Variants in PPM1H observed in about 807,000 individuals in gnomAD.
PPM1H encodes protein phosphatase, Mg2+/Mn2+ dependent 1H, also known as protein phosphatase 1H.
Under a neutral mutation model 54.9 loss-of-function variants are expected in PPM1H, and 27 were observed. The observed-to-expected ratio is 0.49, with a 90% confidence interval of 0.36 to 0.68. The LOEUF is 0.68. PPM1H is among the 30% of genes least tolerant of loss of function. The pLI is 0.00. For synonymous variants in PPM1H, 305 were observed against 270.8 expected (o/e 1.13, Z -1.24); for missense variants, 596 against 667.8 (o/e 0.89, Z 1.19).
chr12:62,882,171 T>C (rs1268167527), intron 1 of PPM1H, among the ~76,000 whole-genome samples: 1 of 152,250 alleles, frequency 6.6e-6, no homozygotes, highest in Non-Finnish European at 1.5e-5. Context: ...GAACTCTGTG[T>C]ATTGAAACTC....
chr12:62,811,457 C>CA (rs1481970020), intron 2 of PPM1H, among the ~76,000 whole-genome samples: 4 of 152,188 alleles, frequency 2.6e-5, no homozygotes, highest in Admixed American at 2.0e-4. Context: ...TCATCTCGCT[C>CA]TACTGTGCAA....
At chr12:62,703,828 T>C (rs1479765281) in intron 6 of PPM1H, among the ~76,000 whole-genome samples, 2 of 152,138 alleles carry the variant, frequency 1.3e-5, no homozygotes, top group African/African-American at 4.8e-5. Flanking sequence ...CTTCCTTTTT[T>C]TCTGCCAGCC....
intron 9 of PPM1H, among the ~76,000 whole-genome samples, chr12:62,660,108 A>G (rs983516077): frequency 1.3e-5 from 2 of 152,194 alleles, no homozygotes; most frequent in African/African-American, 4.8e-5. Context: ...TCATATTTCC[A>G]TTTGGCATGA....
intron 7 of PPM1H, among the ~76,000 whole-genome samples, chr12:62,693,733 T>C (rs1450451277): frequency 2.0e-5 from 3 of 152,190 alleles, no homozygotes; most frequent in African/African-American, 7.2e-5. Context: ...TCCCTTGTGC[T>C]CACCGCCCAC....
chr12:62,714,150 A>G (rs187648689), intron 6 of PPM1H, among the ~76,000 whole-genome samples: 1 of 152,264 alleles, frequency 6.6e-6, no homozygotes, highest in East Asian at 1.9e-4. Flanking sequence ...GCATGGTCCA[A>G]TTCAGCAGCC....
intron 1 of PPM1H, among the ~76,000 whole-genome samples, chr12:62,933,423 C>T (rs1872214023): frequency 1.3e-5 from 2 of 151,990 alleles, no homozygotes; most frequent in African/African-American, 4.8e-5. Flanking sequence ...GATTGGTTCC[C>T]GGACGAACCA....
intron 6 of PPM1H, among the ~76,000 whole-genome samples, chr12:62,717,165 C>T (rs933503628): frequency 6.6e-6 from 1 of 152,128 alleles, no homozygotes; most frequent in Admixed American, 6.5e-5. Flanking sequence ...TTCTTAGGTT[C>T]TTCTGACAAA....
chr12:62,884,597 A>G (rs1302162054), intron 1 of PPM1H, among the ~76,000 whole-genome samples: 1 of 152,120 alleles, frequency 6.6e-6, no homozygotes, highest in Admixed American at 6.6e-5. Context: ...TAAGAGACCT[A>G]TTAGGAATGG....
At chr12:62,858,062 TACCACCACC>T (rs144385020) in intron 1 of PPM1H, among the ~76,000 whole-genome samples, 1 of 151,448 alleles carries the variant, frequency 6.6e-6, no homozygotes, top group East Asian at 1.9e-4. Flanking sequence ...AATGGACCAT[TACCACCACC>T]ACCACCACCC....
chr12:62,802,862 C>T (rs2076779779), intron 2 of PPM1H, among the ~76,000 whole-genome samples: 1 of 152,150 alleles, frequency 6.6e-6, no homozygotes, highest in African/African-American at 2.4e-5. Context: ...GAGATTATCC[C>T]AAAGGGCTGG....
At chr12:62,726,553 T>C (rs1040687022) in intron 5 of PPM1H, among the ~76,000 whole-genome samples, 2 of 152,182 alleles carry the variant, frequency 1.3e-5, no homozygotes, top group African/African-American at 4.8e-5. Context: ...CTTGTTCTAA[T>C]AATTTTAGGG....
chr12:62,735,263 G>T (rs2076344381), intron 5 of PPM1H, among the ~76,000 whole-genome samples: 1 of 151,794 alleles, frequency 6.6e-6, no homozygotes, highest in South Asian at 2.1e-4. Context: ...TGCCCCAAGA[G>T]TGCAGTGGTG....
intron 8 of PPM1H, among the ~76,000 whole-genome samples, chr12:62,687,967 C>G (rs948375789): frequency 1.3e-5 from 2 of 148,474 alleles, no homozygotes; most frequent in Non-Finnish European, 1.5e-5. Context: ...CAACATTGCA[C>G]CACTGCACTC....
At chr12:62,869,018 T>C (rs481867) in intron 1 of PPM1H, among the ~76,000 whole-genome samples, 97,899 of 152,122 alleles carry the variant, frequency 0.64, 32,641 homozygotes, top group African/African-American at 0.82. Context: ...GTACCCACTA[T>C]GTGCTGCGAA....
intron 2 of PPM1H, among the ~76,000 whole-genome samples, chr12:62,810,076 A>G (rs906823920): frequency 6.6e-6 from 1 of 152,130 alleles, no homozygotes; most frequent in African/African-American, 2.4e-5. Flanking sequence ...GGTATTCCCA[A>G]TGAGTGTCTG....
rs574349317 is a variant in PPM1H, at chr12:62,661,171, G to A, written c.1397+6007C>T. ...CCCCAACTCCCCTGACCCTTGCCTC[G>A]CTCCTGTTTATTCTTCAGGTTTAAG... is the stretch of plus-strand genomic sequence containing the variant. On this transcript the variant is annotated intron_variant, in intron 9 of 9. Coordinates refer to ENST00000228705, the MANE Select transcript of PPM1H (RefSeq NM_020700.2). Among the ~76,000 whole-genome samples, 6 of 152,016 alleles carry A rather than the reference G, an allele frequency of 3.9e-5. No individual in the cohort carries two copies. In the East Asian group the frequency reaches 9.7e-4, roughly 24 times the overall value.
At chr12:62,857,740 C>G (rs1281177643) in intron 1 of PPM1H, among the ~76,000 whole-genome samples, 4 of 152,098 alleles carry the variant, frequency 2.6e-5, no homozygotes, top group Non-Finnish European at 4.4e-5. Context: ...CAACCTTCAC[C>G]TCTCCAAATT....
chr12:62,709,963 G>A (rs966131480), intron 6 of PPM1H, among the ~76,000 whole-genome samples: 7 of 152,128 alleles, frequency 4.6e-5, no homozygotes, highest in African/African-American at 1.2e-4. Context: ...CCAGCTACTC[G>A]GGAGGCCGAG....
At chr12:62,788,594 G>T (rs993124173) in intron 3 of PPM1H, 2 of 367,576 alleles carry the variant, frequency 5.4e-6, no homozygotes, top group Non-Finnish European at 9.9e-6. Context: ...AGACAAAAAT[G>T]CAAATAAAAT....
Sources: allele counts gnomAD v4.1 joint callset (sites outside exome capture counted in the v4.1 genomes callset), GRCh38; gene constraint gnomAD v4.1.1; transcripts MANE v1.5; gene names NCBI Gene and HGNC (gene_info 2026-07-23, HGNC 2026-07-21).